The following CLDN16 variants were observed in gnomAD, a reference collection of about 807,000 sequenced individuals.
The protein encoded by CLDN16 is claudin-16.
CLDN16 carries 13 observed loss-of-function variants against 24.6 expected under a neutral mutation model. The observed-to-expected ratio is 0.53, with a 90% CI of 0.34 to 0.84. CLDN16 has a LOEUF of 0.84. Ranked by LOEUF, CLDN16 falls within the 40% of genes least tolerant of loss-of-function variation. The pLI, the probability that CLDN16 is intolerant of heterozygous loss-of-function variation, is 0.01. For synonymous variants in CLDN16, 116 were observed against 106.7 expected (o/e 1.09, Z -0.54); for missense variants, 298 against 292.7 (o/e 1.02, Z -0.13).
chr3:190,316,362 T>G, the CLDN16 span, among the ~76,000 whole-genome samples: 4 of 152,244 alleles, frequency 2.6e-5, no homozygotes, highest in African/African-American at 9.6e-5. Flanking sequence ...TCATTGGAGA[T>G]ATTTGGATAA....
chr3:190,380,127 T>TTCCTTCCTTCCTTCCTTC (rs1560091443), intron 3 of CLDN16, among the ~76,000 whole-genome samples: 6 of 11,142 alleles, frequency 5.4e-4, no homozygotes, highest in African/African-American at 1.8e-3. Context: ...TTCCTTCCTT[T>TTCCTTCCTTCCTTCCTTC]CTTCCTTCCT....
Position 190,379,975 on chromosome 3 carries a change from G to GTCTATCATCTATCTA in CLDN16, n.306+5378_306+5379insATCTATCTATCTATC, listed in dbSNP as rs144203820. 5.0e-3 allele frequency among the ~76,000 whole-genome samples: 748 copies of GTCTATCATCTATCTA among 149,102 alleles called. 3 individuals carry two copies. The highest frequency in any genetic ancestry group is 0.012 in the African/African-American group (495 of 40,490). ...TGATCTATCTATGTCTATCAACTCTGTCTATCTATCTATCTATCTATCTAT... is the reference window on the plus strand; with the variant it reads ...TGATCTATCTATGTCTATCAACTCTGTCTATCATCTATCTATCTATCTATCTATCTATCTATCTAT... On this transcript the variant is annotated intron_variant and non_coding_transcript_variant, in intron 3 of 4. Coordinates refer to the CLDN16 transcript ENST00000468220.
At chr3:190,297,962 G>A in the CLDN16 span, among the ~76,000 whole-genome samples, 3 of 151,796 alleles carry the variant, frequency 2.0e-5, no homozygotes, top group East Asian at 5.8e-4. Flanking sequence ...TTGATGGACA[G>A]CAACGTGGCC....
chr3:190,340,865 A>G (rs1385909487), intron 1 of CLDN16, among the ~76,000 whole-genome samples: 1 of 152,156 alleles, frequency 6.6e-6, no homozygotes, highest in Non-Finnish European at 1.5e-5. Context: ...AATGGGAGAA[A>G]TTGGCCAAAA....
intron 1 of CLDN16, among the ~76,000 whole-genome samples, chr3:190,327,504 G>C (rs1577396154): frequency 6.6e-6 from 1 of 152,304 alleles, no homozygotes; most frequent in East Asian, 1.9e-4. Flanking sequence ...CACTGAATTA[G>C]ATAACTATCA....
At chr3:190,322,313 A>C, upstream of CLDN16, 2 of 1,028,620 alleles carry the variant, frequency 1.9e-6, no homozygotes, top group Non-Finnish European at 2.9e-6. Flanking sequence ...CCGCGGAGGA[A>C]GTTAAGGCGG....
At chr3:190,384,082 C>T (rs1718430526), upstream of CLDN16, among the ~76,000 whole-genome samples, 1 of 152,144 alleles carries the variant, frequency 6.6e-6, no homozygotes, top group Non-Finnish European at 1.5e-5. Flanking sequence ...TCGAGTCAGC[C>T]TGACTATGAG....
At chr3:190,335,777 T>G (rs928753323) in intron 1 of CLDN16, among the ~76,000 whole-genome samples, 2 of 150,398 alleles carry the variant, frequency 1.3e-5, no homozygotes, top group Non-Finnish European at 2.9e-5. Flanking sequence ...TGCATAAAAT[T>G]ATCTGTCTCA....
At chr3:190,355,371 C>T (rs1363158241) in intron 1 of CLDN16, among the ~76,000 whole-genome samples, 2 of 151,762 alleles carry the variant, frequency 1.3e-5, no homozygotes, top group South Asian at 2.1e-4. Flanking sequence ...AAATTATTGG[C>T]CTGTTAAAAA....
intron 1 of CLDN16, among the ~76,000 whole-genome samples, chr3:190,342,473 A>AC (rs1167067370): frequency 2.0e-5 from 3 of 151,040 alleles, no homozygotes; most frequent in Admixed American, 6.6e-5. Flanking sequence ...TTACAATAGC[A>AC]TAAAAATTGA....
rs192546472 is a variant in CLDN16, at chr3:190,353,107, C to T, written n.122-17786C>T. ...AATGGGATAAACATAGTACCTACTC[C>T]AAAGAGTTATCATGAGCATTAATAC... On this transcript the variant is annotated intron_variant and non_coding_transcript_variant, in intron 1 of 4. Coordinates refer to the CLDN16 transcript ENST00000468220. Among the ~76,000 whole-genome samples the T allele has an allele frequency of 1.6e-3, 249 of 152,110 alleles. 2 individuals carry two copies. Among genetic ancestry groups the T allele is most frequent in the African/African-American group, 4.8e-3 (201 of 41,498 alleles).
the CLDN16 span, among the ~76,000 whole-genome samples, chr3:190,290,976 G>A: frequency 1.3e-5 from 2 of 152,182 alleles, no homozygotes; most frequent in Admixed American, 1.3e-4. Context: ...CAAGTAGGAT[G>A]TTAGAGAGTA....
intron 1 of CLDN16, among the ~76,000 whole-genome samples, chr3:190,358,105 A>G (rs976449202): frequency 6.6e-6 from 1 of 151,904 alleles, no homozygotes; most frequent in Admixed American, 6.6e-5. Context: ...AAAAAAAGAA[A>G]AGAATCTGGA....
chr3:190,327,752 C>A (rs866863843), intron 1 of CLDN16, among the ~76,000 whole-genome samples: 4 of 152,126 alleles, frequency 2.6e-5, no homozygotes, highest in South Asian at 2.1e-4. Context: ...ATCAGGCCAC[C>A]AAATCAGAGT....
intron 1 of CLDN16, among the ~76,000 whole-genome samples, chr3:190,364,240 T>C (rs1717970671): frequency 6.6e-6 from 1 of 151,808 alleles, no homozygotes; most frequent in Non-Finnish European, 1.5e-5. Flanking sequence ...GGCCAGATAA[T>C]AGGACACCCA....
the CLDN16 span, among the ~76,000 whole-genome samples, chr3:190,317,045 A>G: frequency 6.6e-6 from 1 of 152,204 alleles, no homozygotes; most frequent in Non-Finnish European, 1.5e-5. Flanking sequence ...TGGAATGATG[A>G]GTGGCAGAGC....
chr3:190,395,754 A>C (rs151215426), intron 1 of CLDN16, among the ~76,000 whole-genome samples: 52 of 152,136 alleles, frequency 3.4e-4, no homozygotes, highest in African/African-American at 1.2e-3. Flanking sequence ...TTAATAGCTT[A>C]TTTTCTTTTA....
chr3:190,339,450 A>G (rs1717381679), intron 1 of CLDN16, among the ~76,000 whole-genome samples: 1 of 152,238 alleles, frequency 6.6e-6, no homozygotes, highest in Non-Finnish European at 1.5e-5. Context: ...GATTAGATTC[A>G]CATTTAGAAA....
intron 4 of CLDN16, among the ~76,000 whole-genome samples, chr3:190,409,000 CTA>C (rs755740332): frequency 2.7e-4 from 40 of 150,230 alleles, no homozygotes; most frequent in Middle Eastern, 7.1e-3. Context: ...ATCAAAATAA[CTA>C]TTGTACATTT....
Sources: allele counts gnomAD v4.1 joint callset (sites outside exome capture counted in the v4.1 genomes callset), GRCh38; gene constraint gnomAD v4.1.1; transcripts MANE v1.5; gene names NCBI Gene and HGNC (gene_info 2026-07-23, HGNC 2026-07-21).